Variants in ASF1B observed in about 807,000 individuals in gnomAD.
ASF1B encodes histone chaperone ASF1B.
Under a neutral mutation model 16.6 loss-of-function variants are expected in ASF1B, and 10 were observed. The ratio of observed to expected loss-of-function variants is 0.60; its 90% confidence interval spans 0.37 to 1.02. The LOEUF is 1.02. ASF1B is among the 50% of genes least tolerant of loss of function. The pLI, the probability that ASF1B is intolerant of heterozygous loss-of-function variation, is 0.01. For synonymous variants in ASF1B, 101 were observed against 106.2 expected (o/e 0.95, Z 0.30); for missense variants, 240 against 266.0 (o/e 0.90, Z 0.68).
Position 14,126,197 on chromosome 19 carries a change from ACT to A in ASF1B, c.148_149del (p.Ser50Ter), listed in dbSNP as rs1158935642. ...AGTCTAGGATCTGATCAAATTCCTCACTCTCAGCCGAGCCAACATAAATGATC... is the reference window on the plus strand; with the variant it reads ...AGTCTAGGATCTGATCAAATTCCTCACTCAGCCGAGCCAACATAAATGATC... ...WKIIYVGSAE[S>X]EEFDQILDSV... On this transcript the variant is annotated frameshift_variant, in exon 2 of 4. Coordinates refer to ENST00000263382, the MANE Select transcript of ASF1B (RefSeq NM_018154.3). LOFTEE classifies it high-confidence loss of function. The A allele has an allele frequency of 1.2e-6, 2 of 1,613,028 alleles. No individual in the cohort carries two copies. The highest frequency in any genetic ancestry group is 1.7e-4 in the Middle Eastern group (1 of 6,060).
chr19:14,124,083 C>T (rs1392043429), intron 2 of ASF1B, among the ~76,000 whole-genome samples: 6 of 152,084 alleles, frequency 3.9e-5, no homozygotes, highest in Non-Finnish European at 7.4e-5. Flanking sequence ...TGAGCCATGG[C>T]ACCTGGCCTC....
At chr19:14,126,601 A>G (rs1052702611) in intron 1 of ASF1B, among the ~76,000 whole-genome samples, 8 of 152,076 alleles carry the variant, frequency 5.3e-5, no homozygotes, top group Non-Finnish European at 7.4e-5. Context: ...CCTACTGAGT[A>G]GCTGGAATTA....
intron 1 of ASF1B, among the ~76,000 whole-genome samples, chr19:14,132,783 A>T (rs766146190): frequency 1.3e-5 from 2 of 152,152 alleles, no homozygotes; most frequent in Non-Finnish European, 2.9e-5. Flanking sequence ...GCACCACTGC[A>T]CTGTAGCCTG....
chr19:14,135,243 A>G (rs1246453312), intron 1 of ASF1B, among the ~76,000 whole-genome samples: 1 of 149,850 alleles, frequency 6.7e-6, no homozygotes, highest in East Asian at 1.9e-4. Flanking sequence ...AAAAAAAAAG[A>G]AGAGGAAGAA....
chr19:14,123,786 A>ATT (rs1247010220), intron 2 of ASF1B, among the ~76,000 whole-genome samples: 19 of 107,666 alleles, frequency 1.8e-4, no homozygotes, highest in African/African-American at 2.1e-4. Context: ...AAGCGAGCCT[A>ATT]TTTTTTTTTT....
intron 1 of ASF1B, among the ~76,000 whole-genome samples, chr19:14,127,962 TC>T (rs1365861197): frequency 1.3e-5 from 2 of 151,944 alleles, no homozygotes; most frequent in Non-Finnish European, 2.9e-5. Flanking sequence ...TTGCACCCCA[TC>T]CAGCAGGAGG....
At chr19:14,126,307 AT>A (rs376176283) in intron 1 of ASF1B, 70 bp from the exon 2 acceptor site, 115,104 of 785,214 alleles carry the variant, frequency 0.15, no homozygotes, top group East Asian at 0.19. Context: ...AGGCTCTTGT[AT>A]TTTTTTTTTT....
At chr19:14,130,907 T>G (rs1387316347) in intron 1 of ASF1B, among the ~76,000 whole-genome samples, 4 of 152,184 alleles carry the variant, frequency 2.6e-5, no homozygotes, top group South Asian at 2.1e-4. Flanking sequence ...TGAGACAGTC[T>G]TGCTCTGTCG....
rs1281515975 is a variant in ASF1B, at chr19:14,136,524, G to C, written c.-68C>G. The C allele has an allele frequency of 7.6e-6, 11 of 1,452,478 alleles. No homozygotes were observed. The highest frequency in any genetic ancestry group is 1.4e-5 in the African/African-American group (1 of 71,814). The allele number at this position is 1,452,478 out of a possible 1,614,324, so 90.0% of individuals were successfully genotyped here. A position where few individuals can be genotyped will look rare whatever the true frequency, so the allele number is the denominator to read the frequency against. On this transcript the variant is annotated 5_prime_UTR_variant, in exon 1 of 4. Transcript: ENST00000263382. The stretch of plus-strand genomic sequence containing the variant: ...TGTGGCGGAGGCCGCGCCTGGGTCC[G>C]GTGGGGTCAGTGGGGTAGGGCTGAC...
At chr19:14,136,200 G>T in intron 1 of ASF1B, 148 bp downstream of exon 1, 1 of 595,618 alleles carries the variant, frequency 1.7e-6, no homozygotes, top group East Asian at 3.0e-5. Flanking sequence ...GGGAGATCCG[G>T]TTGACTGGCG....
chr19:14,136,400 G>C lies in ASF1B; in HGVS notation c.57C>G (p.His19Gln), dbSNP rs1043204362. 88 of 1,613,760 alleles carry C rather than the reference G, an allele frequency of 5.5e-5. No homozygotes were observed. Among genetic ancestry groups the C allele is most frequent in the Non-Finnish European group, 7.3e-5 (86 of 1,179,818 alleles). Reference sequence around the variant, plus strand: ...AGCTGATCTCGAACCGGAAGGGGCTGTGGAAAGGGCTCGGGTTCTCCAGGA... The same window carrying C: ...AGCTGATCTCGAACCGGAAGGGGCTCTGGAAAGGGCTCGGGTTCTCCAGGA... ...VAVLENPSPFHSPFRFEISFE... is the reference protein window; with the variant it reads ...VAVLENPSPFQSPFRFEISFE... Residue 19 changes from histidine (H) to glutamine (Q), a missense_variant, in exon 1 of 4, where the codon CAC becomes CAG. His to Gln is a conservative substitution (Grantham distance 24). Transcript: ENST00000263382.
chr19:14,130,787 G>GTATAAATA (rs1555776608), intron 1 of ASF1B, among the ~76,000 whole-genome samples: 1 of 142,440 alleles, frequency 7.0e-6, no homozygotes, highest in African/African-American at 2.6e-5. Context: ...GTGTTTGTGT[G>GTATAAATA]TATATATATA....
intron 1 of ASF1B, among the ~76,000 whole-genome samples, chr19:14,133,018 A>AT: frequency 6.6e-6 from 1 of 151,598 alleles, no homozygotes. Context: ...TACTTGGGAG[A>AT]TTGAGGCAGG....
chr19:14,120,693 T>C (rs760840829), intron 3 of ASF1B, 28 bp from the exon 4 acceptor site: 15 of 1,609,904 alleles, frequency 9.3e-6, no homozygotes, highest in East Asian at 2.2e-5. Flanking sequence ...ACGTCAACCC[T>C]TGTAGGTACG....
chr19:14,121,296 T>G (rs1967232411), intron 3 of ASF1B: 4 of 403,736 alleles, frequency 9.9e-6, no homozygotes, highest in Admixed American at 4.3e-5. Context: ...TTTTTTTTTT[T>G]GCGGGGGTTA....
At chr19:14,130,482 AACATAGTG>A (rs963957010) in intron 1 of ASF1B, among the ~76,000 whole-genome samples, 5 of 151,680 alleles carry the variant, frequency 3.3e-5, no homozygotes, top group African/African-American at 9.7e-5. Context: ...CAGTCTGGGC[AACATAGTG>A]ACACCCTATC....
At chr19:14,132,400 G>A (rs965180780) in intron 1 of ASF1B, among the ~76,000 whole-genome samples, 6 of 152,216 alleles carry the variant, frequency 3.9e-5, no homozygotes, top group Non-Finnish European at 8.8e-5. Flanking sequence ...TTCATGGAGA[G>A]GAGTCCAGAA....
rs1286793656 is a variant in ASF1B at position 14,122,793 on chromosome 19, G to T, written c.226-1085C>A. Among the ~76,000 whole-genome samples the T allele has an allele frequency of 2.6e-5, 4 of 152,192 alleles. No homozygotes were observed. In the South Asian group the frequency reaches 8.3e-4, roughly 31 times the overall value. ...GGGACAGTGGCATGAAGCTGAACAG[G>T]TGAGGCAGGTGGTATCAGGCCACCC... On this transcript the variant is annotated intron_variant, in intron 2 of 3. Transcript: ENST00000263382.
At chr19:14,130,168 T>G (rs775170413) in intron 1 of ASF1B, among the ~76,000 whole-genome samples, 74 of 151,826 alleles carry the variant, frequency 4.9e-4, no homozygotes, top group Non-Finnish European at 8.5e-4. Flanking sequence ...ATGCCATTCT[T>G]GTGCCTCAGC....
Sources: gnomAD v4.1 joint callset for allele counts (sites outside exome capture counted in the v4.1 genomes callset) on GRCh38, gnomAD v4.1.1 for gene constraint, MANE v1.5 for transcripts, NCBI Gene and HGNC (gene_info 2026-07-23, HGNC 2026-07-21) for gene names.